The following TMPRSS13 variants were observed in gnomAD, a reference collection of about 807,000 sequenced individuals.
TMPRSS13 encodes transmembrane protease serine 13.
TMPRSS13 carries 50 observed loss-of-function variants against 68.4 expected under a neutral mutation model. The ratio of observed to expected loss-of-function variants is 0.73; its 90% CI spans 0.58 to 0.93. The LOEUF is 0.93. Ranked by LOEUF, TMPRSS13 falls within the 40% of genes least tolerant of loss-of-function variation. The pLI, the probability that TMPRSS13 is intolerant of heterozygous loss-of-function variation, is 0.00. For synonymous variants in TMPRSS13, 267 were observed against 285.8 expected (o/e 0.93, Z 0.66); for missense variants, 615 against 729.2 (o/e 0.84, Z 1.80).
rs1485743336 is a variant in TMPRSS13 at position 117,904,860 on chromosome 11, ATTATATATATATATATATATATATAT to A, written c.1381+752_1382-760del. Among the ~76,000 whole-genome samples, 47 of 92,562 alleles carry A rather than the reference ATTATATATATATATATATATATATAT, an allele frequency of 5.1e-4. 1 individual carries two copies. The highest frequency in any genetic ancestry group is 1.5e-3 in the African/African-American group (43 of 29,246). The allele number at this position is 92,562 out of a possible 152,430, so 60.7% of individuals were successfully genotyped here. A position where few individuals can be genotyped will look rare whatever the true frequency, so the allele number is the denominator to read the frequency against. ...TTACCACTTAGAGCTCCTAGATAAG[ATTATATATATATATATATATATATAT>A]ATATATATATATATATATTCTTAAT... On this transcript the variant is annotated intron_variant, in intron 10 of 12. Coordinates refer to ENST00000524993, the MANE Select transcript of TMPRSS13 (RefSeq NM_001077263.3).
intron 6 of TMPRSS13, 80 bp downstream of exon 6, chr11:117,911,688 G>A: frequency 8.7e-7 from 1 of 1,148,350 alleles, no homozygotes; most frequent in Non-Finnish European, 1.3e-6. Flanking sequence ...GCCAGTGAAG[G>A]GGGCTCCCTG....
intron 1 of TMPRSS13, among the ~76,000 whole-genome samples, chr11:117,927,089 T>C (rs1459042996): frequency 6.6e-6 from 1 of 152,228 alleles, no homozygotes; most frequent in Non-Finnish European, 1.5e-5. Context: ...CTACTCTTGT[T>C]AACAATCACC....
intron 1 of TMPRSS13, among the ~76,000 whole-genome samples, chr11:117,920,350 C>T (rs1413401316): frequency 1.7e-5 from 2 of 120,978 alleles, no homozygotes; most frequent in Non-Finnish European, 3.6e-5. Context: ...TTTGTTTGCT[C>T]GTTTGTTTTT....
In TMPRSS13 at chr11:117,901,488, G is replaced by A. The variant is rs1280827671; in HGVS notation, c.*751C>T. ...ACGACATTTCCCATGAATCCCCTGGGGGTCTTGGGCTGATTGATGCCAGCT... is the reference window on the plus strand; with the variant it reads ...ACGACATTTCCCATGAATCCCCTGGAGGTCTTGGGCTGATTGATGCCAGCT... On this transcript the variant is annotated 3_prime_UTR_variant, in exon 13 of 13. Transcript: ENST00000524993. The A allele has an allele frequency of 6.6e-6, 1 of 152,354 alleles. No homozygotes were observed. Among genetic ancestry groups the A allele is most frequent in the Non-Finnish European group, 1.5e-5 (1 of 68,018 alleles). 9.4% of individuals were successfully genotyped at this position (152,354 alleles called of 1,614,324 possible).
intron 12 of TMPRSS13, chr11:117,903,325 C>T (rs1472391510): frequency 7.0e-7 from 1 of 1,434,146 alleles, no homozygotes; most frequent in African/African-American, 1.4e-5. Flanking sequence ...TCACAAAATC[C>T]TCTGCAGAAA....
At chr11:117,916,436 A>C (rs550134015) in intron 3 of TMPRSS13, among the ~76,000 whole-genome samples, 2 of 152,368 alleles carry the variant, frequency 1.3e-5, no homozygotes, top group African/African-American at 4.8e-5. Flanking sequence ...CACAGCTGTC[A>C]TCCCCTCCTC....
chr11:117,921,546 G>A (rs939206716), intron 1 of TMPRSS13, among the ~76,000 whole-genome samples: 3 of 152,326 alleles, frequency 2.0e-5, no homozygotes, highest in East Asian at 1.9e-4. Context: ...TGGGCAGGTG[G>A]GGGGAGGGAG....
At chr11:117,907,974 T>C (rs952887956) in intron 9 of TMPRSS13, 42 of 988,106 alleles carry the variant, frequency 4.3e-5, no homozygotes, top group Admixed American at 6.1e-5. Flanking sequence ...CTCTGCAGCA[T>C]TTCCTTTGTG....
chr11:117,901,966 G>A lies in TMPRSS13; in HGVS notation c.*273C>T, dbSNP rs915214223. On this transcript the variant is annotated 3_prime_UTR_variant, in exon 13 of 13. Coordinates refer to ENST00000524993, the MANE Select transcript of TMPRSS13 (RefSeq NM_001077263.3). ...TGGACACTCCTGTAGGAACATCCAC[G>A]GTACTCAACTCTTGTCTCCAGGTAA... 7.5e-6 allele frequency: 4 copies of A among 533,950 alleles called. No individual in the cohort carries two copies. Among genetic ancestry groups the A allele is most frequent in the Admixed American group, 3.1e-5 (1 of 32,532 alleles). The allele number at this position is 533,950 out of a possible 1,614,324, so 33.1% of individuals were successfully genotyped here.
intron 1 of TMPRSS13, among the ~76,000 whole-genome samples, chr11:117,920,361 T>C (rs897747149): frequency 1.3e-5 from 2 of 152,168 alleles, no homozygotes; most frequent in African/African-American, 4.8e-5. Flanking sequence ...GTTTGTTTTT[T>C]TGAGTCTTGC....
chr11:117,908,236 C>T (rs1004300625), intron 9 of TMPRSS13: 1 of 522,702 alleles, frequency 1.9e-6, no homozygotes, highest in Non-Finnish European at 3.2e-6. Flanking sequence ...GTGCCTGCTC[C>T]ACAGGGTTGG....
At chr11:117,919,289 G>C (rs181268101) in intron 1 of TMPRSS13, among the ~76,000 whole-genome samples, 5 of 152,354 alleles carry the variant, frequency 3.3e-5, no homozygotes, top group African/African-American at 1.2e-4. Flanking sequence ...TTTCATGTAT[G>C]TGTGTTAGAT....
At position 117,922,518 on chromosome 11, in the gene TMPRSS13, G is replaced by A. The variant is rs1057463095; in HGVS notation, c.22-3680C>T. On this transcript the variant is annotated intron_variant, in intron 1 of 12. Transcript: ENST00000524993. The surrounding 1 kb of genome is among the most constrained non-coding windows in gnomAD (Gnocchi z 4.2). ...GCTGGGATTACAGGCGTGAGCCACC[G>A]CGCCCAGCCGAGACTTCTTATCCAA... Among the ~76,000 whole-genome samples the A allele has an allele frequency of 1.2e-4, 18 of 152,130 alleles. No individual in the cohort carries two copies. Among genetic ancestry groups the A allele is most frequent in the African/African-American group, 3.9e-4 (16 of 41,408 alleles).
intron 9 of TMPRSS13, among the ~76,000 whole-genome samples, chr11:117,906,175 CT>C (rs1384744057): frequency 6.6e-6 from 1 of 152,238 alleles, no homozygotes; most frequent in African/African-American, 2.4e-5. Context: ...TATGTCCAGC[CT>C]GGTCTGGCGA....
chr11:117,918,659 G>T lies in TMPRSS13; in HGVS notation c.201C>A (p.Gly67=). 5 of 1,590,502 alleles carry T rather than the reference G, an allele frequency of 3.1e-6. No homozygotes were observed. The highest frequency in any genetic ancestry group is 4.3e-6 in the Non-Finnish European group (5 of 1,168,314). Residue 67 remains glycine, a synonymous_variant, in exon 2 of 13, where the codon GGC becomes GGA. Coordinates refer to ENST00000524993, the MANE Select transcript of TMPRSS13 (RefSeq NM_001077263.3). The part of the protein sequence containing the change: ...AQASPAGTPP[G]RASPGRASPA... ...GAGATGCCCGGCCTGGAGATGCCCG[G>T]CCTGGAGGTGTACCAGCTGGAGATG...
chr11:117,923,164 G>T (rs1046927424), intron 1 of TMPRSS13, among the ~76,000 whole-genome samples: 2 of 152,222 alleles, frequency 1.3e-5, no homozygotes, highest in Non-Finnish European at 2.9e-5. Flanking sequence ...AAACATTTGT[G>T]TGCTTTGCCC....
intron 1 of TMPRSS13, among the ~76,000 whole-genome samples, chr11:117,928,519 G>A (rs1216497599): frequency 3.3e-5 from 5 of 152,144 alleles, no homozygotes; most frequent in African/African-American, 9.7e-5. Context: ...TTTGGAGGGG[G>A]CAGAAAACAA....
At chr11:117,923,717 G>A (rs1304203604) in intron 1 of TMPRSS13, among the ~76,000 whole-genome samples, 1 of 151,638 alleles carries the variant, frequency 6.6e-6, no homozygotes, top group Non-Finnish European at 1.5e-5. Flanking sequence ...GATAGCATTA[G>A]GAGAAATACC....
chr11:117,926,335 G>C (rs2057707030), intron 1 of TMPRSS13, among the ~76,000 whole-genome samples: 3 of 152,200 alleles, frequency 2.0e-5, no homozygotes, highest in Admixed American at 2.0e-4. Context: ...CCTGGGGCTG[G>C]GATGGGGCTG....
Sources: allele counts gnomAD v4.1 joint callset (sites outside exome capture counted in the v4.1 genomes callset), GRCh38; gene constraint gnomAD v4.1.1; non-coding constraint Gnocchi (gnomAD v3.1); transcripts MANE v1.5; gene names NCBI Gene and HGNC (gene_info 2026-07-23, HGNC 2026-07-21).